Variants in TMEM266 observed in about 807,000 individuals in gnomAD.
TMEM266 encodes Hv1 related protein 1.
In TMEM266, 33 loss-of-function variants were observed where a neutral mutation model predicts 50.5. The observed-to-expected ratio is 0.65, with a 90% CI of 0.50 to 0.87. TMEM266 has a LOEUF of 0.87. Ranked by LOEUF, TMEM266 falls within the 40% of genes least tolerant of loss-of-function variation. The pLI is 0.00. For synonymous variants in TMEM266, 310 were observed against 292.3 expected (o/e 1.06, Z -0.62); for missense variants, 655 against 695.1 (o/e 0.94, Z 0.65).
chr15:76,165,469 A>C (rs1328097040), intron 5 of TMEM266, among the ~76,000 whole-genome samples: 1 of 152,216 alleles, frequency 6.6e-6, no homozygotes, highest in Non-Finnish European at 1.5e-5. Context: ...CAGCCTCCTG[A>C]AGGCAAAACT....
rs565235134 is a variant in TMEM266, at chr15:76,160,549, G to T, written c.456+381G>T. ...TGAAGCCAGGTGCCCACACAGGGAAGCTCTTGGGCCGCTGTGGCTGTGGTC... is the reference window on the plus strand; with the variant it reads ...TGAAGCCAGGTGCCCACACAGGGAATCTCTTGGGCCGCTGTGGCTGTGGTC... On this transcript the variant is annotated intron_variant, in intron 5 of 10. Transcript: ENST00000388942. The surrounding 1 kb of genome is among the most constrained non-coding windows in gnomAD (Gnocchi z 5.7). Among the ~76,000 whole-genome samples, 10 of 152,346 alleles carry T rather than the reference G, an allele frequency of 6.6e-5. 1 individual carries two copies. The South Asian group carries it at 1.9e-3, about 28-fold the overall frequency.
At chr15:76,113,285 G>T (rs2037201362) in intron 1 of TMEM266, 2 of 152,330 alleles carry the variant, frequency 1.3e-5, no homozygotes, top group African/African-American at 4.8e-5. Context: ...CTGCACTCCA[G>T]CCTGGTGACA....
chr15:76,162,062 A>G (rs1158993711), intron 5 of TMEM266, among the ~76,000 whole-genome samples: 4 of 152,170 alleles, frequency 2.6e-5, no homozygotes. Flanking sequence ...ACCCCTGTGC[A>G]CAGGAATCGC....
chr15:76,172,956 T>C (rs760302965), intron 7 of TMEM266, among the ~76,000 whole-genome samples: 1 of 151,430 alleles, frequency 6.6e-6, no homozygotes, highest in Non-Finnish European at 1.5e-5. Flanking sequence ...AGAGCCCCCT[T>C]TGTGACGCTC....
intron 1 of TMEM266, among the ~76,000 whole-genome samples, chr15:76,133,452 T>G (rs541335471): frequency 2.6e-5 from 4 of 151,914 alleles, no homozygotes; most frequent in Non-Finnish European, 5.9e-5. Flanking sequence ...AATAAATAAA[T>G]AAAATAAATA....
intron 5 of TMEM266, among the ~76,000 whole-genome samples, chr15:76,162,343 A>G (rs1168919952): frequency 6.6e-6 from 1 of 152,172 alleles, no homozygotes; most frequent in Non-Finnish European, 1.5e-5. Flanking sequence ...CACAGCTCAC[A>G]CCACACTAGC....
At chr15:76,154,146 A>G (rs748064986) in intron 3 of TMEM266, among the ~76,000 whole-genome samples, 31 of 152,200 alleles carry the variant, frequency 2.0e-4, no homozygotes, top group Non-Finnish European at 4.4e-4. Context: ...AACTTTACCA[A>G]ATAAGAATAC....
intron 3 of TMEM266, among the ~76,000 whole-genome samples, chr15:76,146,867 C>G (rs2037764423): frequency 6.6e-6 from 1 of 152,218 alleles, no homozygotes; most frequent in Non-Finnish European, 1.5e-5. Flanking sequence ...ATCACCACAC[C>G]CAGGGGTGAC....
At chr15:76,131,564 G>T (rs1048923308) in intron 1 of TMEM266, among the ~76,000 whole-genome samples, 1 of 152,106 alleles carries the variant, frequency 6.6e-6, no homozygotes, top group Non-Finnish European at 1.5e-5. Context: ...TTTATAAAGA[G>T]AACATAAAAA....
At chr15:76,102,431 A>G (rs1358648985) in intron 1 of TMEM266, among the ~76,000 whole-genome samples, 1 of 152,172 alleles carries the variant, frequency 6.6e-6, no homozygotes, top group East Asian at 1.9e-4. Flanking sequence ...GAATAAGGTG[A>G]CATTTGTGCA....
At chr15:76,081,041 T>C (rs2036686080) in intron 1 of TMEM266, among the ~76,000 whole-genome samples, 1 of 152,182 alleles carries the variant, frequency 6.6e-6, no homozygotes, top group Non-Finnish European at 1.5e-5. Context: ...TGAGCCTCCG[T>C]ACCCAGCACC....
At chr15:76,099,278 T>G (rs1181080730) in intron 1 of TMEM266, among the ~76,000 whole-genome samples, 1 of 152,218 alleles carries the variant, frequency 6.6e-6, no homozygotes, top group Non-Finnish European at 1.5e-5. Flanking sequence ...GCAGTATCTG[T>G]GCTGGAGTTC....
chr15:76,191,881 A>C (rs1487156910), intron 8 of TMEM266, 87 bp from the exon 9 acceptor site: 18 of 1,244,324 alleles, frequency 1.4e-5, no homozygotes, highest in Non-Finnish European at 1.5e-5. Context: ...CCCCGCCCCC[A>C]TGCAGGAGCA....
chr15:76,143,071 G>A (rs2037704860), intron 3 of TMEM266, among the ~76,000 whole-genome samples: 1 of 152,118 alleles, frequency 6.6e-6, no homozygotes, highest in Non-Finnish European at 1.5e-5. Flanking sequence ...AGTCGTGGAT[G>A]GGCTGCACCG....
chr15:76,087,489 T>C (rs1024304540), intron 1 of TMEM266, among the ~76,000 whole-genome samples: 5 of 152,166 alleles, frequency 3.3e-5, no homozygotes, highest in East Asian at 1.9e-4. Flanking sequence ...TTCAAAAATA[T>C]TGAGGTAGTT....
chr15:76,099,064 C>T (rs1406212026), intron 1 of TMEM266, among the ~76,000 whole-genome samples: 3 of 152,178 alleles, frequency 2.0e-5, no homozygotes, highest in Non-Finnish European at 4.4e-5. Context: ...TCCCTGGCTT[C>T]AGCACCCCTT....
intron 1 of TMEM266, among the ~76,000 whole-genome samples, chr15:76,115,655 C>T (rs1159473528): frequency 1.3e-5 from 2 of 152,218 alleles, no homozygotes; most frequent in South Asian, 2.1e-4. Flanking sequence ...ATTCCCCTGG[C>T]CCCGGGAGGC....
chr15:76,202,265 G>GTT lies in TMEM266; in HGVS notation c.1021+2_1021+3insTT, dbSNP rs1567187433. 6.2e-7 allele frequency: 1 copy of GTT among 1,613,104 alleles called. No homozygotes were observed. Among genetic ancestry groups the GTT allele is most frequent in the Admixed American group, 1.7e-5 (1 of 59,902 alleles). On this transcript the variant is annotated splice_donor_variant, in intron 10 of 10. Coordinates refer to ENST00000388942, the MANE Select transcript of TMEM266 (RefSeq NM_152335.3). LOFTEE classifies it high-confidence loss of function. ...CAGTATTACAATGGGCCCAGCAGTG[G>GTT]TAAGTCTGGGTTGGGGCTGTTCTAC...
chr15:76,100,276 T>C (rs376880233), intron 1 of TMEM266, among the ~76,000 whole-genome samples: 10 of 152,350 alleles, frequency 6.6e-5, no homozygotes, highest in African/African-American at 2.4e-4. Context: ...TCTGTTATTT[T>C]ATATACTCCT....
Sources: gnomAD v4.1 joint callset for allele counts (sites outside exome capture counted in the v4.1 genomes callset) on GRCh38, gnomAD v4.1.1 for gene constraint, Gnocchi (gnomAD v3.1) non-coding constraint, MANE v1.5 for transcripts, NCBI Gene and HGNC (gene_info 2026-07-23, HGNC 2026-07-21) for gene names.